Variants in PHLPP1 observed in about 807,000 individuals in gnomAD.
The protein encoded by PHLPP1 is PH domain and leucine rich repeat protein phosphatase 1, also known as PH domain leucine-rich repeat-containing protein phosphatase 1.
In PHLPP1, 42 loss-of-function variants were observed where a neutral mutation model predicts 117.2. The observed-to-expected ratio is 0.36, with a 90% CI of 0.28 to 0.46. The LOEUF (loss-of-function observed/expected upper bound fraction) is 0.46. Ranked by LOEUF, PHLPP1 falls within the 20% of genes least tolerant of loss-of-function variation. The pLI, the probability that PHLPP1 is intolerant of heterozygous loss-of-function variation, is 1.00. For missense variants in PHLPP1, 2,084 were observed against 2,241.9 expected, an observed-to-expected ratio of 0.93 and a Z score of 1.42; for synonymous variants, 1,042 against 970.7, an observed-to-expected ratio of 1.07 and a Z score of -1.37.
chr18:62,901,966 A>G (rs1568155869), intron 6 of PHLPP1, among the ~76,000 whole-genome samples: 1 of 152,038 alleles, frequency 6.6e-6, no homozygotes, highest in Non-Finnish European at 1.5e-5. Flanking sequence ...TCATCTCAGC[A>G]CTTTGCTGGC....
Position 62,715,669 on chromosome 18 carries a change from C to T in PHLPP1, c.-15C>T, listed in dbSNP as rs1910694863. 1.6e-6 allele frequency: 2 copies of T among 1,275,730 alleles called. No homozygotes were observed. Among genetic ancestry groups the T allele is most frequent in the East Asian group, 3.1e-5 (1 of 32,026 alleles). The allele number at this position is 1,275,730 out of a possible 1,614,324, so 79.0% of individuals were successfully genotyped here. A position where few individuals can be genotyped will look rare whatever the true frequency, so the allele number is the denominator to read the frequency against. On this transcript the variant is annotated 5_prime_UTR_variant, in exon 1 of 17. Coordinates refer to ENST00000262719, the MANE Select transcript of PHLPP1 (RefSeq NM_194449.4). The stretch of plus-strand genomic sequence containing the variant: ...TGCCTCCGGAGCTGGGGGGGAAACG[C>T]GAAGCCCCACTGCAATGGAGCCCGC...
chr18:62,933,784 C>A (rs979527738), intron 10 of PHLPP1, among the ~76,000 whole-genome samples: 18 of 152,032 alleles, frequency 1.2e-4, no homozygotes, highest in African/African-American at 4.3e-4. Context: ...TTCTGCACAG[C>A]AAAAGAAACA....
At chr18:62,816,417 T>A (rs183069513) in intron 1 of PHLPP1, among the ~76,000 whole-genome samples, 13 of 151,952 alleles carry the variant, frequency 8.6e-5, no homozygotes, top group Admixed American at 7.2e-4. Flanking sequence ...TACAAAAAAA[T>A]TTAGCTGGGC....
intron 1 of PHLPP1, among the ~76,000 whole-genome samples, chr18:62,770,550 T>C (rs1037729182): frequency 2.0e-5 from 3 of 152,244 alleles, no homozygotes; most frequent in African/African-American, 7.2e-5. Flanking sequence ...GAATAACTTT[T>C]TGGATGAGAA....
At chr18:62,952,471 A>C (rs930754801) in intron 12 of PHLPP1, among the ~76,000 whole-genome samples, 7 of 152,118 alleles carry the variant, frequency 4.6e-5, no homozygotes, top group Admixed American at 4.6e-4. Flanking sequence ...GGTTTCTTCT[A>C]GGCTTCCCAA....
intron 4 of PHLPP1, among the ~76,000 whole-genome samples, chr18:62,869,287 G>A (rs1342477521): frequency 1.3e-5 from 2 of 152,134 alleles, no homozygotes; most frequent in East Asian, 1.9e-4. Flanking sequence ...GGAATAAACT[G>A]TCCTCTGCTG....
chr18:62,763,451 C>G (rs549676743), intron 1 of PHLPP1, among the ~76,000 whole-genome samples: 1 of 152,268 alleles, frequency 6.6e-6, no homozygotes, highest in East Asian at 1.9e-4. Context: ...CTACCTTTTG[C>G]CAGGTTTTCT....
At chr18:62,943,232 C>G (rs979484015) in intron 11 of PHLPP1, among the ~76,000 whole-genome samples, 2 of 152,178 alleles carry the variant, frequency 1.3e-5, no homozygotes, top group Non-Finnish European at 2.9e-5. Context: ...TTCTGTCTCC[C>G]TGTGGTTGTG....
intron 1 of PHLPP1, among the ~76,000 whole-genome samples, chr18:62,742,930 G>A (rs1283190209): frequency 1.3e-5 from 2 of 152,134 alleles, no homozygotes; most frequent in African/African-American, 2.4e-5. Context: ...ATGTTTGATT[G>A]AGGACATTAA....
intron 3 of PHLPP1, among the ~76,000 whole-genome samples, chr18:62,858,500 T>A (rs1353836642): frequency 1.3e-5 from 2 of 152,194 alleles, no homozygotes; most frequent in Non-Finnish European, 2.9e-5. Context: ...TGACCTCAAA[T>A]GATCCACCTG....
At chr18:62,738,807 G>A (rs1911441103) in intron 1 of PHLPP1, among the ~76,000 whole-genome samples, 1 of 152,196 alleles carries the variant, frequency 6.6e-6, no homozygotes, top group Admixed American at 6.5e-5. Context: ...TTTGGACTGT[G>A]GTTGGCTGTG....
chr18:62,731,003 A>G (rs982053335), intron 1 of PHLPP1, among the ~76,000 whole-genome samples: 2 of 152,320 alleles, frequency 1.3e-5, no homozygotes, highest in Admixed American at 6.5e-5. Flanking sequence ...ATGCTCAGTT[A>G]CATGGAAGAC....
intron 1 of PHLPP1, among the ~76,000 whole-genome samples, chr18:62,792,153 G>T (rs747402675): frequency 6.6e-6 from 1 of 152,160 alleles, no homozygotes; most frequent in Non-Finnish European, 1.5e-5. Context: ...ATGGAAATAG[G>T]AAAGTCAAGT....
At chr18:62,880,599 G>A (rs1457411538) in intron 4 of PHLPP1, among the ~76,000 whole-genome samples, 2 of 151,770 alleles carry the variant, frequency 1.3e-5, no homozygotes, top group South Asian at 2.1e-4. Context: ...CAATTAATGG[G>A]CTAACTATGG....
intron 1 of PHLPP1, among the ~76,000 whole-genome samples, chr18:62,815,232 A>G (rs557361895): frequency 4.9e-5 from 7 of 143,692 alleles, no homozygotes; most frequent in Non-Finnish European, 1.0e-4. Context: ...ATCTCTGCTC[A>G]CTGCAAGCTC....
At chr18:62,727,466 A>C (rs963565795) in intron 1 of PHLPP1, among the ~76,000 whole-genome samples, 1 of 151,780 alleles carries the variant, frequency 6.6e-6, no homozygotes, top group African/African-American at 2.4e-5. Context: ...TAATAAAAAA[A>C]ATTAGATGGG....
chr18:62,825,363 T>TATAA (rs1276969938), intron 1 of PHLPP1: 3 of 148,486 alleles, frequency 2.0e-5, no homozygotes, highest in Non-Finnish European at 4.5e-5. Flanking sequence ...TATGTATATA[T>TATAA]ATAAATATAT....
intron 4 of PHLPP1, among the ~76,000 whole-genome samples, chr18:62,872,882 G>A (rs1915937277): frequency 1.3e-5 from 2 of 150,972 alleles, no homozygotes; most frequent in Non-Finnish European, 1.5e-5. Flanking sequence ...AGCTACTCGG[G>A]AGGCTGAAGC....
chr18:62,716,988 C>G lies in PHLPP1; in HGVS notation c.1305C>G (p.Cys435Trp), dbSNP rs1378076980. ...GCGGGGCCGTCCGCGAGGGGTCGTG[C>G]GAGGAGAAGGCAGCGGCAGCCGTGG... ...SPGGAVREGS[C>W]EEKAAAAVAP... The change falls in exon 1 of 17, where the codon TGC becomes TGG. Residue 435 changes from cysteine (C) to tryptophan (W), a missense_variant. Coordinates refer to ENST00000262719, the MANE Select transcript of PHLPP1 (RefSeq NM_194449.4). This position sits in a 1 kb window ranked among gnomAD's most constrained non-coding sequence, Gnocchi z 5.7. The G allele has an allele frequency of 1.3e-6, 2 of 1,542,246 alleles. No homozygotes were observed. The highest frequency in any genetic ancestry group is 2.4e-5 in the East Asian group (1 of 40,844).
Sources: gnomAD v4.1 joint callset for allele counts (sites outside exome capture counted in the v4.1 genomes callset) on GRCh38, gnomAD v4.1.1 for gene constraint, Gnocchi (gnomAD v3.1) non-coding constraint, MANE v1.5 for transcripts, NCBI Gene and HGNC (gene_info 2026-07-23, HGNC 2026-07-21) for gene names.